INO80: variants seen among roughly 807,000 people sequenced by gnomAD.
The protein encoded by INO80 is chromatin-remodeling ATPase INO80.
INO80 carries 20 observed loss-of-function variants against 203.4 expected under a neutral mutation model. The observed-to-expected ratio is 0.10, with a 90% CI of 0.07 to 0.14. INO80 has a LOEUF of 0.14. Ranked by LOEUF, INO80 falls within the 10% of genes least tolerant of loss-of-function variation. The pLI, the probability that INO80 is intolerant of heterozygous loss-of-function variation, is 1.00. For synonymous variants in INO80, 726 were observed against 685.2 expected, an observed-to-expected ratio of 1.06 and a Z score of -0.93; for missense variants, 1,419 against 1,914.4, an observed-to-expected ratio of 0.74 and a Z score of 4.83.
chr15:41,107,452 G>C (rs568059665), intron 1 of INO80, among the ~76,000 whole-genome samples: 298 of 152,278 alleles, frequency 2.0e-3, no homozygotes, highest in Non-Finnish European at 3.7e-3. Flanking sequence ...AGTGAGCCAT[G>C]ATGGTGCCAC....
At chr15:41,113,424 G>A (rs774560139) in intron 1 of INO80, among the ~76,000 whole-genome samples, 24 of 151,784 alleles carry the variant, frequency 1.6e-4, no homozygotes, top group South Asian at 2.1e-4. Context: ...GCGCCACCAC[G>A]CCCAGCTAAT....
chr15:40,985,133 G>C (rs918884363), intron 32 of INO80, among the ~76,000 whole-genome samples: 7 of 152,224 alleles, frequency 4.6e-5, no homozygotes, highest in African/African-American at 1.7e-4. Context: ...CACCGTAAGG[G>C]TGAGTTTGTG....
chr15:41,015,287 T>C (rs2044186682), intron 27 of INO80, among the ~76,000 whole-genome samples: 3 of 152,224 alleles, frequency 2.0e-5, no homozygotes, highest in Admixed American at 2.0e-4. Context: ...TGCCCAGGCC[T>C]CATTTCAAAT....
rs143551814 is a variant in INO80, at chr15:40,991,687, G to A, written c.3571-3713C>T. Among the ~76,000 whole-genome samples the A allele has an allele frequency of 3.2e-4, 48 of 152,160 alleles. No individual in the cohort carries two copies. The East Asian group carries it at 4.4e-3, about 14-fold the overall frequency. ...CAGGCACAAGGGAAGAGAGGTGAGA[G>A]TTACCATGCGGTAGAGGGGCCTGGC... On this transcript the variant is annotated intron_variant, in intron 29 of 35. Coordinates refer to ENST00000648947, the MANE Select transcript of INO80 (RefSeq NM_017553.3).
At chr15:41,083,637 C>G (rs2045517970) in intron 7 of INO80, among the ~76,000 whole-genome samples, 1 of 150,852 alleles carries the variant, frequency 6.6e-6, no homozygotes, top group Non-Finnish European at 1.5e-5. Flanking sequence ...TCGCTGAAAC[C>G]CAGGAGGCAG....
At chr15:41,028,490 A>G (rs1421365016) in intron 24 of INO80, among the ~76,000 whole-genome samples, 1 of 152,176 alleles carries the variant, frequency 6.6e-6, no homozygotes, top group Non-Finnish European at 1.5e-5. Flanking sequence ...TTTCTTATTA[A>G]TTTATTCAGA....
At chr15:41,058,102 C>T (rs919571356) in intron 16 of INO80, among the ~76,000 whole-genome samples, 1 of 152,130 alleles carries the variant, frequency 6.6e-6, no homozygotes, top group Non-Finnish European at 1.5e-5. Context: ...ATCCAATCCA[C>T]ATAACCTAAC....
chr15:41,092,013 C>T lies in INO80; in HGVS notation c.537+14G>A, dbSNP rs754305319. On this transcript the variant is annotated intron_variant, in intron 5 of 35. Coordinates refer to ENST00000648947, the MANE Select transcript of INO80 (RefSeq NM_017553.3). ...TGAATATTCAGTTTGAAGTGTTTCT[C>T]CTGAAACTCTTACCTCCTTGTCTTT... 5.0e-6 allele frequency: 8 copies of T among 1,585,352 alleles called. No individual in the cohort carries two copies. In the East Asian group the frequency reaches 1.4e-4, roughly 27 times the overall value.
At chr15:41,041,272 G>A (rs1446153812) in intron 24 of INO80, among the ~76,000 whole-genome samples, 1 of 151,628 alleles carries the variant, frequency 6.6e-6, no homozygotes, top group Non-Finnish European at 1.5e-5. Flanking sequence ...TATTTTTCTG[G>A]TAGAGATGGG....
chr15:41,058,580 T>A, intron 16 of INO80, 59 bp downstream of exon 16: 1 of 1,332,242 alleles, frequency 7.5e-7, no homozygotes, highest in Non-Finnish European at 1.1e-6. Flanking sequence ...CGTGTGTGTG[T>A]GTGTGTGTGT....
At chr15:40,980,730 T>C (rs1423875605) in intron 35 of INO80, among the ~76,000 whole-genome samples, 1 of 152,218 alleles carries the variant, frequency 6.6e-6, no homozygotes, top group African/African-American at 2.4e-5. Flanking sequence ...AGAGCACACA[T>C]TTTACAATCT....
intron 24 of INO80, among the ~76,000 whole-genome samples, chr15:41,030,450 C>T (rs12441225): frequency 0.02 from 3,098 of 152,110 alleles, 298 homozygotes; most frequent in Admixed American, 0.15. Context: ...GTAACCTCTG[C>T]CTTCCCAGGT....
chr15:40,982,754 G>A, intron 35 of INO80, 108 bp downstream of exon 35: 2 of 899,042 alleles, frequency 2.2e-6, no homozygotes, highest in Non-Finnish European at 3.4e-6. Flanking sequence ...GGGGCTCTAG[G>A]AAGAAAGCTC....
In INO80 at chr15:41,074,561, T is replaced by G; in HGVS notation, c.1136A>C (p.Lys379Thr). The change falls in exon 10 of 36, where the codon AAG becomes ACG. Residue 379 changes from lysine (K) to threonine (T), a missense_variant. Physicochemically the swap from Lys to Thr is moderately conservative, Grantham distance 78. This residue lies in a region of INO80 where 87 missense variants were observed against 150.5 expected (regional missense o/e 0.58). Transcript: ENST00000648947. The part of the protein sequence containing the change: ...RKLDEEMREA[K>T]RQQRKLNFLI... ...GAAGTTGAGTTTTCGCTGTTGCCTC[T>G]TGGCCTAAAGAGGGAAAAAAGTGAA... is the stretch of plus-strand genomic sequence containing the variant. The G allele has an allele frequency of 6.2e-7, 1 of 1,607,862 alleles. No individual in the cohort carries two copies. Among genetic ancestry groups the G allele is most frequent in the Non-Finnish European group, 8.5e-7 (1 of 1,176,912 alleles).
At chr15:40,998,267 C>T (rs376077525) in intron 28 of INO80, among the ~76,000 whole-genome samples, 127 of 152,034 alleles carry the variant, frequency 8.4e-4, no homozygotes, top group African/African-American at 2.9e-3. Flanking sequence ...GTGATCCGCC[C>T]GCCTCGGCCT....
chr15:40,988,268 C>T (rs184771652), intron 29 of INO80, among the ~76,000 whole-genome samples: 2 of 152,166 alleles, frequency 1.3e-5, no homozygotes, highest in Non-Finnish European at 1.5e-5. Flanking sequence ...ACGGTTAACA[C>T]TTACAGTGCA....
chr15:41,033,613 C>A (rs1318298372), intron 24 of INO80, among the ~76,000 whole-genome samples: 1 of 152,200 alleles, frequency 6.6e-6, no homozygotes, highest in Non-Finnish European at 1.5e-5. Context: ...CAAATCTACT[C>A]ATTCCTGAAA....
intron 15 of INO80, among the ~76,000 whole-genome samples, chr15:41,059,197 A>C: frequency 6.6e-6 from 1 of 150,600 alleles, no homozygotes; most frequent in Admixed American, 6.6e-5. Context: ...CCTGGACTCA[A>C]GTGATCCTCC....
chr15:41,016,184 C>T lies in INO80; in HGVS notation c.3306G>A (p.Lys1102=), dbSNP rs1269941754. The T allele has an allele frequency of 6.2e-7, 1 of 1,613,964 alleles. No homozygotes were observed. The highest frequency in any genetic ancestry group is 1.1e-5 in the South Asian group (1 of 91,060). The change falls in exon 27 of 36, where the codon AAG becomes AAA. Residue 1102 remains lysine (K), a synonymous_variant. Transcript: ENST00000648947. The part of the protein sequence containing the change: ...GKESLITDSG[K]LYALDVLLTR... ...TCAGCAGGACATCAAGGGCATACAG[C>T]TTTCCACTGTCAGTGATGAGGCTCT...
Sources: gnomAD v4.1 joint callset for allele counts (sites outside exome capture counted in the v4.1 genomes callset) on GRCh38, gnomAD v4.1.1 for gene constraint, gnomAD v4.1.1 regional missense constraint, MANE v1.5 for transcripts, NCBI Gene and HGNC (gene_info 2026-07-23, HGNC 2026-07-21) for gene names.